Variants in PRSS54 observed in about 807,000 individuals in gnomAD.
PRSS54 encodes the protein serine protease 54.
Under a neutral mutation model 19.9 loss-of-function variants are expected in PRSS54, and 16 were observed. The ratio of observed to expected loss-of-function variants is 0.80; its 90% CI spans 0.54 to 1.22. The LOEUF is 1.22. Among genes scored for constraint, PRSS54 ranks in the 50% most tolerant of loss-of-function variants. The pLI is 0.00. For missense variants in PRSS54, 444 were observed against 494.8 expected, an observed-to-expected ratio of 0.90 and a Z score of 0.97; for synonymous variants, 177 against 195.8, an observed-to-expected ratio of 0.90 and a Z score of 0.80.
intron 6 of PRSS54, 161 bp downstream of exon 6, chr16:58,284,429 C>T (rs990609430): frequency 1.3e-4 from 87 of 680,426 alleles, no homozygotes; most frequent in African/African-American, 1.1e-4. Context: ...TTTTATTGAG[C>T]GCATACTGTC....
At chr16:58,286,920 A>G (rs569248839) in intron 4 of PRSS54, among the ~76,000 whole-genome samples, 13 of 152,324 alleles carry the variant, frequency 8.5e-5, no homozygotes, top group Non-Finnish European at 1.6e-4. Flanking sequence ...GACCATGACC[A>G]AAATGAAGGC....
intron 4 of PRSS54, among the ~76,000 whole-genome samples, chr16:58,290,434 C>T (rs1266173581): frequency 6.6e-6 from 1 of 152,056 alleles, no homozygotes; most frequent in Non-Finnish European, 1.5e-5. Context: ...TAAAAGAATG[C>T]ATATTTGTAT....
chr16:58,285,891 C>T (rs773063578), intron 5 of PRSS54, 46 bp downstream of exon 5: 1 of 1,606,850 alleles, frequency 6.2e-7, no homozygotes, highest in East Asian at 2.2e-5. Context: ...GTCACCCCCA[C>T]TGCCAGCACA....
intron 3 of PRSS54, among the ~76,000 whole-genome samples, chr16:58,292,565 C>A (rs1965058917): frequency 1.9e-5 from 1 of 53,662 alleles, no homozygotes; most frequent in Non-Finnish European, 3.8e-5. Context: ...CATGATGGAG[C>A]ACATATGACC....
rs781769874 is a variant in PRSS54 at position 58,280,650 on chromosome 16, G to A, written c.762C>T (p.Tyr254=). The change falls in exon 7 of 7, where the codon TAC becomes TAT. Residue 254 remains tyrosine, a synonymous_variant. Coordinates refer to ENST00000567164, the MANE Select transcript of PRSS54 (RefSeq NM_001305173.2). ...GGETCPGLFL[Y]TKVEDYSKWI... ...ATTTGCTGTAGTCTTCCACCTTGGT[G>A]TACAGAAACAGGCCAGGGCACGTCT... 16 of 1,614,188 alleles carry A rather than the reference G, an allele frequency of 9.9e-6. No homozygotes were observed. The highest frequency in any genetic ancestry group is 1.2e-5 in the Non-Finnish European group (14 of 1,180,036).
chr16:58,280,856 G>C, intron 6 of PRSS54, 99 bp from the exon 7 acceptor site: 3 of 1,191,002 alleles, frequency 2.5e-6, no homozygotes, highest in Non-Finnish European at 3.4e-6. Flanking sequence ...AATGTTTTAC[G>C]CTGGTTCTCA....
At chr16:58,284,815 G>T (rs878916671) in intron 5 of PRSS54, 94 bp from the exon 6 acceptor site, 25 of 1,280,526 alleles carry the variant, frequency 2.0e-5, no homozygotes, top group East Asian at 2.6e-5. Context: ...ACGAGAGTGA[G>T]AATTTTTTTT....
At position 58,290,977 on chromosome 16, in the gene PRSS54, G is replaced by A; in HGVS notation, c.245C>T (p.Ala82Val). 6.2e-7 allele frequency: 1 copy of A among 1,614,230 alleles called. No homozygotes were observed. The highest frequency in any genetic ancestry group is 2.2e-5 in the East Asian group (1 of 44,888). Residue 82 changes from alanine (A) to valine (V), a missense_variant, in exon 4 of 7, where the codon GCA becomes GTA. Coordinates refer to ENST00000567164, the MANE Select transcript of PRSS54 (RefSeq NM_001305173.2). ...CACTGGCCTGTTCTGAATGGCGGATGCGATGCTGAGGACCCAGAACTCGCT... is the reference window on the plus strand; with the variant it reads ...CACTGGCCTGTTCTGAATGGCGGATACGATGCTGAGGACCCAGAACTCGCT... ...ILSEFWVLSIASAIQNRKDIV... is the reference protein window; with the variant it reads ...ILSEFWVLSIVSAIQNRKDIV...
At position 58,288,507 on chromosome 16, in the gene PRSS54, A is replaced by G. The variant is rs538832220; in HGVS notation, c.264-2312T>C. 1.0e-3 allele frequency among the ~76,000 whole-genome samples: 157 copies of G among 152,284 alleles called. 1 individual carries two copies. Among genetic ancestry groups the G allele is most frequent in the African/African-American group, 3.6e-3 (151 of 41,574 alleles). On this transcript the variant is annotated intron_variant, in intron 4 of 6. Transcript: ENST00000567164. ...TGAGTCAAAGAGAAAATCAAAACCA[A>G]AAGAATAGGCCAGATAGAAAATAGC...
chr16:58,289,723 C>T (rs531742216), intron 4 of PRSS54, among the ~76,000 whole-genome samples: 13 of 152,110 alleles, frequency 8.5e-5, no homozygotes, highest in African/African-American at 2.7e-4. Flanking sequence ...AGGTGTATGC[C>T]ACTATGCCCC....
At chr16:58,282,674 C>A (rs1964799004) in intron 6 of PRSS54, 1 of 152,270 alleles carries the variant, frequency 6.6e-6, no homozygotes, top group African/African-American at 2.4e-5. Flanking sequence ...TAGTGTGGCA[C>A]TCCTGACTTT....
At chr16:58,287,690 G>A (rs1964948057) in intron 4 of PRSS54, among the ~76,000 whole-genome samples, 1 of 152,222 alleles carries the variant, frequency 6.6e-6, no homozygotes, top group South Asian at 2.1e-4. Context: ...GCCTGGCAGG[G>A]TAGAAGAGTA....
chr16:58,291,942 T>A (rs762807590), intron 3 of PRSS54, among the ~76,000 whole-genome samples: 15 of 152,280 alleles, frequency 9.9e-5, no homozygotes, highest in African/African-American at 3.6e-4. Flanking sequence ...ATTTTTATAT[T>A]TTTTTAAGAT....
Position 58,280,699 on chromosome 16 carries a change from C to T in PRSS54, c.713G>A (p.Arg238Lys). The T allele has an allele frequency of 6.2e-7, 1 of 1,614,188 alleles. No homozygotes were observed. The highest frequency in any genetic ancestry group is 8.5e-7 in the Non-Finnish European group (1 of 1,180,008). Reference sequence around the variant, plus strand: ...CTCACCACCGAAGTTCAGGACTCCTCTCAGAACCCACAGATCGAACTGCTG... The same window carrying T: ...CTCACCACCGAAGTTCAGGACTCCTTTCAGAACCCACAGATCGAACTGCTG... The part of the protein sequence containing the change: ...QLQQFDLWVL[R>K]GVLNFGGETC... Residue 238 changes from arginine (R) to lysine (K), a missense_variant, in exon 7 of 7, where the codon AGA becomes AAA. Coordinates refer to ENST00000567164, the MANE Select transcript of PRSS54 (RefSeq NM_001305173.2).
intron 4 of PRSS54, among the ~76,000 whole-genome samples, chr16:58,289,362 GA>G (rs1423349568): frequency 6.6e-6 from 1 of 152,184 alleles, no homozygotes; most frequent in Non-Finnish European, 1.5e-5. Flanking sequence ...CAAGGGGAAA[GA>G]AAATTCTCTT....
chr16:58,287,191 C>A (rs574417971), intron 4 of PRSS54, among the ~76,000 whole-genome samples: 1 of 152,292 alleles, frequency 6.6e-6, no homozygotes, highest in South Asian at 2.1e-4. Context: ...AGACAGCTAA[C>A]CTATCTCCAG....
intron 4 of PRSS54, among the ~76,000 whole-genome samples, chr16:58,287,605 T>C (rs1199424019): frequency 2.6e-5 from 4 of 152,220 alleles, no homozygotes; most frequent in Non-Finnish European, 5.9e-5. Flanking sequence ...CTTTTATGCA[T>C]GTTGGCCAAA....
rs1323157376 is a variant in PRSS54, at chr16:58,286,186, A to T, written c.273T>A (p.Ile91=). Residue 91 remains isoleucine (I), a synonymous_variant, in exon 5 of 7, where the codon ATT becomes ATA. Coordinates refer to ENST00000567164, the MANE Select transcript of PRSS54 (RefSeq NM_001305173.2). ...IASAIQNRKD[I]VVIVGISNMD... Reference sequence around the variant, plus strand: ...TGTTACTTATACCCACTATAACGACAATGTCCTTCCTGGAGAGAGAGCAAG... The same window carrying T: ...TGTTACTTATACCCACTATAACGACTATGTCCTTCCTGGAGAGAGAGCAAG... 6.2e-7 allele frequency: 1 copy of T among 1,613,978 alleles called. No individual in the cohort carries two copies. Among genetic ancestry groups the T allele is most frequent in the Non-Finnish European group, 8.5e-7 (1 of 1,179,972 alleles).
chr16:58,280,631 T>C lies in PRSS54; in HGVS notation c.781A>G (p.Ser261Gly), dbSNP rs1964697405. 12 of 1,614,200 alleles carry C rather than the reference T, an allele frequency of 7.4e-6. No individual in the cohort carries two copies. The highest frequency in any genetic ancestry group is 1.3e-5 in the African/African-American group (1 of 75,044). ...LFLYTKVEDY[S>G]KWITSKAERA... ...TCAGCCTTGGATGTGATCCATTTGC[T>C]GTAGTCTTCCACCTTGGTGTACAGA... Residue 261 changes from serine to glycine, a missense_variant, in exon 7 of 7, where the codon AGC (serine) becomes GGC (glycine). By Grantham distance (56) the Ser-to-Gly change is moderately conservative. Coordinates refer to ENST00000567164, the MANE Select transcript of PRSS54 (RefSeq NM_001305173.2).
Sources: gnomAD v4.1 joint callset for allele counts (sites outside exome capture counted in the v4.1 genomes callset) on GRCh38, gnomAD v4.1.1 for gene constraint, MANE v1.5 for transcripts, NCBI Gene and HGNC (gene_info 2026-07-23, HGNC 2026-07-21) for gene names.